DST: variants seen among roughly 807,000 people sequenced by gnomAD.
The protein encoded by DST is dystonin, also known as bullous pemphigoid antigen.
DST carries 253 observed loss-of-function variants against 875.2 expected under a neutral mutation model. The observed-to-expected ratio is 0.29, with a 90% confidence interval of 0.26 to 0.32. The LOEUF is 0.32. Ranked by LOEUF, DST falls within the 10% of genes least tolerant of loss-of-function variation. The pLI is 1.00. For missense variants in DST, 8,287 were observed against 9,111.6 expected, an observed-to-expected ratio of 0.91 and a Z score of 3.68; for synonymous variants, 3,124 against 3,197.1, an observed-to-expected ratio of 0.98 and a Z score of 0.77.
At chr6:56,880,992 C>T (rs1781916724) in intron 3 of DST, among the ~76,000 whole-genome samples, 2 of 151,278 alleles carry the variant, frequency 1.3e-5, no homozygotes, top group Non-Finnish European at 2.9e-5. Context: ...GGACTACAGT[C>T]GCCCACCACC....
chr6:56,712,183 T>C (rs1037613137), intron 5 of DST, among the ~76,000 whole-genome samples: 2 of 152,158 alleles, frequency 1.3e-5, no homozygotes, highest in Non-Finnish European at 2.9e-5. Flanking sequence ...AATATGGGCA[T>C]TACCTTTTAC....
chr6:56,954,275 G>T, intron 1 of DST, 132 bp downstream of exon 1: 1 of 556,844 alleles, frequency 1.8e-6, no homozygotes, highest in Non-Finnish European at 2.8e-6. Context: ...TTAAAGAAAC[G>T]CACTCAGCCT....
At chr6:56,664,748 A>T (rs2099063580) in intron 10 of DST, among the ~76,000 whole-genome samples, 1 of 152,172 alleles carries the variant, frequency 6.6e-6, no homozygotes. Flanking sequence ...ATATCTTACC[A>T]GTTGTGGTTT....
chr6:56,568,345 T>C (rs2097718623), intron 55 of DST, 124 bp downstream of exon 55: 2 of 1,041,238 alleles, frequency 1.9e-6, no homozygotes, highest in Non-Finnish European at 2.7e-6. Context: ...GCCATGTTTC[T>C]TGTCACTTTC....
chr6:56,694,523 T>G (rs939420397), intron 9 of DST, among the ~76,000 whole-genome samples: 10 of 152,170 alleles, frequency 6.6e-5, no homozygotes, highest in Non-Finnish European at 1.3e-4. Context: ...GATTTTTTTT[T>G]GTTTTTAACT....
intron 4 of DST, among the ~76,000 whole-genome samples, chr6:56,801,162 C>T (rs1438883041): frequency 6.6e-6 from 1 of 151,042 alleles, no homozygotes; most frequent in African/African-American, 2.4e-5. Context: ...AAAACATAAA[C>T]TCCAGATTTT....
intron 9 of DST, chr6:56,692,662 ACAT>A (rs1436698958): frequency 7.8e-7 from 1 of 1,289,666 alleles, no homozygotes; most frequent in East Asian, 5.5e-5. Context: ...GCTTGTGTTG[ACAT>A]CATCTAAATG....
chr6:56,535,070 CTTGTTA>C (rs1257938158), intron 63 of DST, 46 bp downstream of exon 63: 9 of 1,588,474 alleles, frequency 5.7e-6, no homozygotes, highest in African/African-American at 4.1e-5. Flanking sequence ...CATTTTTTCT[CTTGTTA>C]TTAAGATTTA....
At chr6:56,843,698 G>GAGAGGGAGGGA in intron 4 of DST, 1 of 936,070 alleles carries the variant, frequency 1.1e-6, no homozygotes, top group Non-Finnish European at 1.3e-6. Context: ...CGGGGAGAGA[G>GAGAGGGAGGGA]GGAGGGAGGA....
chr6:56,944,514 A>G (rs1255135096), intron 2 of DST, among the ~76,000 whole-genome samples: 1 of 152,092 alleles, frequency 6.6e-6, no homozygotes, highest in Non-Finnish European at 1.5e-5. Flanking sequence ...AAAAGAGAGG[A>G]AAGAAATAGA....
Position 56,528,736 on chromosome 6 carries a change from G to T in DST, c.17680+105C>A, listed in dbSNP as rs2096844752. On this transcript the variant is annotated intron_variant, in intron 67 of 103. Transcript: ENST00000680361. Reference sequence around the variant, plus strand: ...TTCTCCAGAATAAAAGTCTTGGAATGGACCAAAAATTATAAAGTGTTTTGG... The same window carrying T: ...TTCTCCAGAATAAAAGTCTTGGAATTGACCAAAAATTATAAAGTGTTTTGG... 3.8e-6 allele frequency: 3 copies of T among 797,954 alleles called. No individual in the cohort carries two copies. In the South Asian group the frequency reaches 4.9e-5, roughly 13 times the overall value. The allele number at this position is 797,954 out of a possible 1,614,324, so 49.4% of individuals were successfully genotyped here. A position where few individuals can be genotyped will look rare whatever the true frequency, so the allele number is the denominator to read the frequency against.
intron 2 of DST, among the ~76,000 whole-genome samples, chr6:56,951,629 T>G (rs1288315553): frequency 6.6e-6 from 1 of 152,196 alleles, no homozygotes; most frequent in African/African-American, 2.4e-5. Flanking sequence ...AAACATGACA[T>G]TCTTTTGCAA....
chr6:56,582,203 T>C (rs112545781), intron 49 of DST, among the ~76,000 whole-genome samples: 1,690 of 152,294 alleles, frequency 0.011, 33 homozygotes, highest in African/African-American at 0.038. Context: ...TCACCCCTGA[T>C]ATAGTTTGGA....
At position 56,781,363 on chromosome 6, in the gene DST, G is replaced by T. The variant is rs2152991838; in HGVS notation, c.626-46074C>A. Among the ~76,000 whole-genome samples the T allele has an allele frequency of 2.0e-5, 3 of 152,282 alleles. No homozygotes were observed. The South Asian group carries it at 6.2e-4, about 32-fold the overall frequency. ...TTCTTCCTACCCATGAGCATGGAAT[G>T]TTCTTCCATTCGTTTGTATCCTCTT... On this transcript the variant is annotated intron_variant, in intron 4 of 103. Transcript: ENST00000680361.
At chr6:56,806,347 A>AG (rs2099752942) in intron 4 of DST, among the ~76,000 whole-genome samples, 1 of 152,250 alleles carries the variant, frequency 6.6e-6, no homozygotes, top group South Asian at 2.1e-4. Context: ...CCATAAACAC[A>AG]TAGTAGGAGA....
At position 56,529,577 on chromosome 6, in the gene DST, A is replaced by G. The variant is rs760222922; in HGVS notation, c.17466T>C (p.Asn5822=). ...RSELLQQALC[N]AKIFGEDEVE... is the part of the protein sequence containing the mutation. ...CTTCATCTTCCCCAAAAATCTTAGC[A>G]TTACATAAGGCCTGCTGGAGGAGCT... is the stretch of plus-strand genomic sequence containing the variant. Residue 5822 remains asparagine (N), a synonymous_variant, in exon 66 of 104, where the codon AAT becomes AAC. Coordinates refer to ENST00000680361, the MANE Select transcript of DST (RefSeq NM_001374736.1). 10 of 1,613,690 alleles carry G rather than the reference A, an allele frequency of 6.2e-6. No individual in the cohort carries two copies. The East Asian group carries it at 2.0e-4, about 32-fold the overall frequency.
At chr6:56,843,336 G>A (rs1591555981) in intron 4 of DST, 1 of 1,214,094 alleles carries the variant, frequency 8.2e-7, no homozygotes, top group South Asian at 3.8e-5. Flanking sequence ...GCCGGCAAAG[G>A]AAACGCCCAG....
At chr6:56,568,044 G>A (rs1585114744) in intron 55 of DST, among the ~76,000 whole-genome samples, 3 of 152,140 alleles carry the variant, frequency 2.0e-5, no homozygotes, top group East Asian at 1.9e-4. Flanking sequence ...GAGTGCCCAC[G>A]CTATAGAAAA....
intron 69 of DST, among the ~76,000 whole-genome samples, chr6:56,520,060 A>G (rs554826799): frequency 6.6e-6 from 1 of 152,352 alleles, no homozygotes; most frequent in East Asian, 1.9e-4. Flanking sequence ...ATACAGTATA[A>G]AGAAGAACCA....
Sources: allele counts gnomAD v4.1 joint callset (sites outside exome capture counted in the v4.1 genomes callset), GRCh38; gene constraint gnomAD v4.1.1; transcripts MANE v1.5; gene names NCBI Gene and HGNC (gene_info 2026-07-23, HGNC 2026-07-21).